Variants in DLG2 observed in about 807,000 individuals in gnomAD.
DLG2 encodes discs large MAGUK scaffold protein 2.
Under a neutral mutation model 132.5 loss-of-function variants are expected in DLG2, and 45 were observed. The ratio of observed to expected loss-of-function variants is 0.34; its 90% CI spans 0.27 to 0.44. DLG2 has a LOEUF of 0.44. Among genes scored for constraint, DLG2 ranks in the 20% least tolerant of loss-of-function variants. The probability of loss-of-function intolerance (pLI) is 1.00; values close to 1 mark genes in which losing one functional copy is unlikely to be tolerated. For synonymous variants in DLG2, 424 were observed against 419.6 expected (o/e 1.01, Z -0.13); for missense variants, 1,045 against 1,196.9 (o/e 0.87, Z 1.87).
At chr11:85,363,022 A>C (rs2084279942) in intron 3 of DLG2, among the ~76,000 whole-genome samples, 1 of 152,246 alleles carries the variant, frequency 6.6e-6, no homozygotes, top group Non-Finnish European at 1.5e-5. Flanking sequence ...CAGAAGATGC[A>C]AAATTTCACA....
intron 3 of DLG2, among the ~76,000 whole-genome samples, chr11:85,546,847 C>G (rs2076365516): frequency 9.4e-6 from 1 of 105,852 alleles, no homozygotes; most frequent in Non-Finnish European, 1.9e-5. Context: ...TTTTGCTTTC[C>G]ATTTGCTTGG....
At chr11:83,561,385 G>A (rs115648739) in intron 19 of DLG2, among the ~76,000 whole-genome samples, 2,040 of 152,278 alleles carry the variant, frequency 0.013, 49 homozygotes, top group African/African-American at 0.046. Flanking sequence ...TTTAGTGCCT[G>A]CTCCCTGTCT....
rs910590270 is a variant in DLG2 at position 85,419,202 on chromosome 11, G to A, written c.41-133837C>T. On this transcript the variant is annotated intron_variant, in intron 3 of 27. Transcript: ENST00000376104. ...TATGAAGCTTAGTTTGGCTACATAT[G>A]AAATTCTGGGTTGAAAATTATTTTC... 3.3e-5 allele frequency among the ~76,000 whole-genome samples: 5 copies of A among 152,280 alleles called. No homozygotes were observed. The East Asian group carries it at 5.8e-4, about 18-fold the overall frequency.
intron 3 of DLG2, among the ~76,000 whole-genome samples, chr11:85,386,594 A>G (rs958004211): frequency 4.6e-5 from 7 of 152,184 alleles, no homozygotes; most frequent in Admixed American, 3.9e-4. Flanking sequence ...ATAGATTTTT[A>G]TATGATAATT....
intron 7 of DLG2, among the ~76,000 whole-genome samples, chr11:84,311,740 GCTAT>G (rs1252988293): frequency 1.3e-5 from 2 of 152,190 alleles, no homozygotes; most frequent in Non-Finnish European, 2.9e-5. Flanking sequence ...GGTCCACCCG[GCTAT>G]CTCTGACCAG....
chr11:84,151,619 C>T (rs1297185953), intron 9 of DLG2, among the ~76,000 whole-genome samples: 1 of 152,078 alleles, frequency 6.6e-6, no homozygotes, highest in Non-Finnish European at 1.5e-5. Context: ...TTTTCTAGAT[C>T]CTCTAGGCGT....
intron 3 of DLG2, among the ~76,000 whole-genome samples, chr11:85,467,681 G>A (rs1235011105): frequency 1.3e-5 from 2 of 152,144 alleles, no homozygotes; most frequent in Admixed American, 1.3e-4. Flanking sequence ...TGGTGGATAA[G>A]CTTTTTGATG....
At chr11:85,013,959 GTTTC>G (rs1390755323) in intron 6 of DLG2, among the ~76,000 whole-genome samples, 1 of 152,058 alleles carries the variant, frequency 6.6e-6, no homozygotes, top group African/African-American at 2.4e-5. Context: ...TACATAGTAA[GTTTC>G]TTTATTTGTA....
chr11:85,474,165 A>T (rs78808780), intron 3 of DLG2, among the ~76,000 whole-genome samples: 3,624 of 152,158 alleles, frequency 0.024, 138 homozygotes, highest in African/African-American at 0.081. Flanking sequence ...AATTGTTAAC[A>T]ACCAAAATAG....
intron 5 of DLG2, among the ~76,000 whole-genome samples, chr11:85,141,092 G>T (rs933438583): frequency 7.9e-5 from 12 of 151,828 alleles, no homozygotes; most frequent in African/African-American, 2.9e-4. Context: ...CTAGCAATGG[G>T]ATTGCTCAAT....
intron 18 of DLG2, among the ~76,000 whole-genome samples, chr11:83,677,696 A>C (rs550289445): frequency 6.6e-6 from 1 of 152,164 alleles, no homozygotes; most frequent in South Asian, 2.1e-4. Flanking sequence ...ACAAAAACAA[A>C]ATCCCCCAAA....
chr11:84,688,426 G>C (rs1475409602), intron 6 of DLG2, among the ~76,000 whole-genome samples: 1 of 152,102 alleles, frequency 6.6e-6, no homozygotes, highest in Admixed American at 6.5e-5. Context: ...TGGCATCAAA[G>C]GTATGTGATT....
At chr11:84,263,561 G>A (rs2097574068) in intron 7 of DLG2, among the ~76,000 whole-genome samples, 1 of 152,056 alleles carries the variant, frequency 6.6e-6, no homozygotes, top group East Asian at 1.9e-4. Flanking sequence ...TCTATATAAA[G>A]AGTAAAAAAG....
chr11:84,869,171 T>G (rs1037337162), intron 6 of DLG2, among the ~76,000 whole-genome samples: 1 of 152,240 alleles, frequency 6.6e-6, no homozygotes, highest in African/African-American at 2.4e-5. Context: ...TCATACGGAA[T>G]TGAACATACA....
chr11:84,609,867 A>G (rs1179299202), intron 6 of DLG2, among the ~76,000 whole-genome samples: 3 of 152,200 alleles, frequency 2.0e-5, no homozygotes, highest in South Asian at 2.1e-4. Context: ...TAAATTATCT[A>G]TAAGAATATA....
chr11:84,013,977 C>T (rs906805493), intron 11 of DLG2, among the ~76,000 whole-genome samples: 3 of 151,282 alleles, frequency 2.0e-5, no homozygotes, highest in Non-Finnish European at 4.4e-5. Context: ...CTTCTCATGG[C>T]TAGAAAGCTG....
intron 7 of DLG2, among the ~76,000 whole-genome samples, chr11:84,430,870 T>A (rs1272467097): frequency 6.6e-6 from 1 of 152,182 alleles, no homozygotes; most frequent in Non-Finnish European, 1.5e-5. Context: ...TCACCACAGC[T>A]AGGCAGACAC....
At chr11:83,883,972 C>A (rs1165588529) in intron 15 of DLG2, among the ~76,000 whole-genome samples, 1 of 147,494 alleles carries the variant, frequency 6.8e-6, no homozygotes, top group Non-Finnish European at 1.5e-5. Context: ...GCCAAGATGG[C>A]CGAATAGGAA....
At chr11:84,875,364 C>A (rs932213584) in intron 6 of DLG2, among the ~76,000 whole-genome samples, 2 of 151,990 alleles carry the variant, frequency 1.3e-5, no homozygotes, top group African/African-American at 4.8e-5. Flanking sequence ...AAGAAATTAT[C>A]CCACCTTGGG....
Sources: allele counts gnomAD v4.1 joint callset (sites outside exome capture counted in the v4.1 genomes callset), GRCh38; gene constraint gnomAD v4.1.1; transcripts MANE v1.5; gene names NCBI Gene and HGNC (gene_info 2026-07-23, HGNC 2026-07-21).